The following C17orf78 variants were observed in gnomAD, a reference collection of about 807,000 sequenced individuals.
C17orf78 encodes the protein chromosome 17 open reading frame 78.
C17orf78 carries 27 observed loss-of-function variants against 31.8 expected under a neutral mutation model. That is an observed-to-expected ratio of 0.85 (90% CI 0.63 to 1.17). The LOEUF is 1.17. Among genes scored for constraint, C17orf78 ranks in the 50% most tolerant of loss-of-function variants. The pLI is 0.00. For synonymous variants in C17orf78, 106 were observed against 115.1 expected (o/e 0.92, Z 0.51); for missense variants, 258 against 315.2 (o/e 0.82, Z 1.37).
chr17:37,377,889 T>C lies in C17orf78; in HGVS notation c.69T>C (p.Asp23=). ...TCTGCTCACCCCCAGACCTCAGAGA[T>C]AGCAGTTGCCGACTGGAACAGCTGC... ...SYDANKKDLR[D]SSCRLEQLPG... Residue 23 remains aspartate (D), a synonymous_variant, in exon 2 of 7, where the codon GAT becomes GAC. Coordinates refer to ENST00000615133, the MANE Select transcript of C17orf78 (RefSeq NM_173625.5). 1 of 1,612,488 alleles carries C rather than the reference T, an allele frequency of 6.2e-7. No individual in the cohort carries two copies. Among genetic ancestry groups the C allele is most frequent in the Non-Finnish European group, 8.5e-7 (1 of 1,179,084 alleles).
At chr17:37,379,008 G>C in intron 2 of C17orf78, 129 bp from the exon 3 acceptor site, 1 of 1,150,376 alleles carries the variant, frequency 8.7e-7, no homozygotes, top group East Asian at 2.6e-5. Flanking sequence ...GGAGTTTGAG[G>C]CTGGAGTGAG....
chr17:37,392,473 C>CT lies in C17orf78; in HGVS notation c.*751dup, dbSNP rs2050923725. ...ATAGCTATGAGTCAAATCTAACCTG[C>CT]TTAAATAAGAGTTTGGTGAGAAAGT... On this transcript the variant is annotated 3_prime_UTR_variant, in exon 7 of 7. Coordinates refer to ENST00000615133, the MANE Select transcript of C17orf78 (RefSeq NM_173625.5). The CT allele has an allele frequency of 2.0e-5, 3 of 152,214 alleles. No individual in the cohort carries two copies. Among genetic ancestry groups the CT allele is most frequent in the Admixed American group, 1.3e-4 (2 of 15,284 alleles). 9.4% of individuals were successfully genotyped at this position (152,214 alleles called of 1,614,324 possible). A position where few individuals can be genotyped will look rare whatever the true frequency, so the allele number is the denominator to read the frequency against.
intron 3 of C17orf78, among the ~76,000 whole-genome samples, chr17:37,384,114 A>G (rs375508998): frequency 4.9e-4 from 74 of 152,296 alleles, no homozygotes; most frequent in African/African-American, 1.7e-3. Flanking sequence ...AAATACAAAA[A>G]TTAGCCGGGT....
chr17:37,390,089 T>C (rs1325194105), intron 6 of C17orf78, among the ~76,000 whole-genome samples: 1 of 124,460 alleles, frequency 8.0e-6, no homozygotes, highest in Non-Finnish European at 1.6e-5. Flanking sequence ...TCCAGGAGTT[T>C]GAGACCAGCC....
In C17orf78 at chr17:37,377,706, A is replaced by AAAT. The variant is rs1568074768; in HGVS notation, c.59-173_59-172insAAT. Reference sequence around the variant, plus strand: ...ATAAATAAATAAATAAATAAATAAAAGTAAAGTCTTTTTAGAGAGTGTTTG... The same window carrying AAAT: ...ATAAATAAATAAATAAATAAATAAAAAATGTAAAGTCTTTTTAGAGAGTGTTTG... On this transcript the variant is annotated intron_variant, in intron 1 of 6. Transcript: ENST00000615133. Among the ~76,000 whole-genome samples, 4 of 148,466 alleles carry AAAT rather than the reference A, an allele frequency of 2.7e-5. No individual in the cohort carries two copies. The East Asian group carries it at 6.0e-4, about 22-fold the overall frequency.
chr17:37,384,530 A>G (rs2050442767), intron 3 of C17orf78, among the ~76,000 whole-genome samples: 1 of 152,126 alleles, frequency 6.6e-6, no homozygotes, highest in African/African-American at 2.4e-5. Flanking sequence ...TAGGTAGAGC[A>G]AGTATTATTT....
intron 6 of C17orf78, among the ~76,000 whole-genome samples, chr17:37,390,175 T>TATATATACATACAC (rs60788220): frequency 2.2e-5 from 1 of 44,508 alleles, no homozygotes. Context: ...TATATATATA[T>TATATATACATACAC]ACACACACAC....
chr17:37,390,316 A>ACATAAT lies in C17orf78; in HGVS notation c.750+954_750+955insCATAAT, dbSNP rs1336760581. Among the ~76,000 whole-genome samples, 5 of 50,628 alleles carry ACATAAT rather than the reference A, an allele frequency of 9.9e-5. 2 individuals are homozygous for ACATAAT. Among genetic ancestry groups the ACATAAT allele is most frequent in the Middle Eastern group, 0.015 (2 of 134 alleles). The allele number at this position is 50,628 out of a possible 152,430, so 33.2% of individuals were successfully genotyped here. ...ATATTATACATAATTATATATATAT[A>ACATAAT]TATATATATATATATATAAAAGGCC... On this transcript the variant is annotated intron_variant, in intron 6 of 6. Transcript: ENST00000615133.
intron 3 of C17orf78, among the ~76,000 whole-genome samples, chr17:37,384,120 C>T (rs528457366): frequency 6.6e-6 from 1 of 152,160 alleles, no homozygotes; most frequent in Non-Finnish European, 1.5e-5. Context: ...AAAAATTAGC[C>T]GGGTGTAGTG....
At chr17:37,386,917 A>C (rs1027900181) in intron 4 of C17orf78, 1 of 149,182 alleles carries the variant, frequency 6.7e-6, no homozygotes, top group Admixed American at 6.7e-5. Context: ...TCTGGGGCTC[A>C]AGTGATCCCC....
chr17:37,386,227 G>A (rs1568088506), intron 4 of C17orf78, 102 bp downstream of exon 4: 1 of 688,266 alleles, frequency 1.5e-6, no homozygotes, highest in African/African-American at 1.8e-5. Context: ...TGGATCTACT[G>A]ATATTTTTCT....
At chr17:37,386,301 G>C (rs986216141) in intron 4 of C17orf78, among the ~76,000 whole-genome samples, 176 bp downstream of exon 4, 12 of 152,044 alleles carry the variant, frequency 7.9e-5, no homozygotes, top group African/African-American at 2.9e-4. Context: ...TAAAAAATTA[G>C]CTTCTCTAGG....
intron 6 of C17orf78, among the ~76,000 whole-genome samples, chr17:37,390,175 T>TATATATATATACACACACAC (rs60788220): frequency 2.2e-4 from 10 of 44,500 alleles, no homozygotes; most frequent in African/African-American, 1.2e-3. Flanking sequence ...TATATATATA[T>TATATATATATACACACACAC]ACACACACAC....
At position 37,390,175 on chromosome 17, in the gene C17orf78, T is replaced by TATATATATATACAC. The variant is rs60788220; in HGVS notation, c.750+814_750+815insTATATATATACACA. ...ATATATATATATATATATATATATA[T>TATATATATATACAC]ACACACACACATTATATATAAATAT... On this transcript the variant is annotated intron_variant, in intron 6 of 6. Coordinates refer to ENST00000615133, the MANE Select transcript of C17orf78 (RefSeq NM_173625.5). Among the ~76,000 whole-genome samples the TATATATATATACAC allele has an allele frequency of 8.6e-3, 382 of 44,370 alleles. 10 individuals carry two copies. Among genetic ancestry groups the TATATATATATACAC allele is most frequent in the Non-Finnish European group, 0.012 (318 of 27,570 alleles). 29.1% of individuals were successfully genotyped at this position (44,370 alleles called of 152,430 possible). A position where few individuals can be genotyped will look rare whatever the true frequency, so the allele number is the denominator to read the frequency against.
At chr17:37,384,391 G>A (rs1293995559) in intron 3 of C17orf78, among the ~76,000 whole-genome samples, 1 of 152,154 alleles carries the variant, frequency 6.6e-6, no homozygotes, top group East Asian at 1.9e-4. Flanking sequence ...CCTTCTGGTG[G>A]AGACAGATGA....
chr17:37,384,473 C>T (rs921764220), intron 3 of C17orf78, among the ~76,000 whole-genome samples: 12 of 151,884 alleles, frequency 7.9e-5, no homozygotes, highest in Non-Finnish European at 7.4e-5. Context: ...TACACACATG[C>T]TTTCTCATTT....
intron 6 of C17orf78, among the ~76,000 whole-genome samples, chr17:37,389,576 A>G (rs1292399989): frequency 1.3e-5 from 2 of 151,888 alleles, no homozygotes; most frequent in Non-Finnish European, 2.9e-5. Flanking sequence ...ACTCCCAGCT[A>G]CTCGGAAGGC....
intron 3 of C17orf78, among the ~76,000 whole-genome samples, chr17:37,383,290 G>A (rs1218631744): frequency 6.6e-6 from 1 of 152,052 alleles, no homozygotes. Context: ...GAAAACTGAG[G>A]GGTTAAGGGG....
At chr17:37,379,022 T>C in intron 2 of C17orf78, 115 bp from the exon 3 acceptor site, 1 of 1,280,084 alleles carries the variant, frequency 7.8e-7, no homozygotes, top group Non-Finnish European at 1.1e-6. Context: ...GAGTGAGCCA[T>C]GATTGCGACA....
Sources: allele counts gnomAD v4.1 joint callset (sites outside exome capture counted in the v4.1 genomes callset), GRCh38; gene constraint gnomAD v4.1.1; transcripts MANE v1.5; gene names NCBI Gene and HGNC (gene_info 2026-07-23, HGNC 2026-07-21).